The following ZDHHC15 variants were observed in gnomAD, a reference collection of about 807,000 sequenced individuals.
ZDHHC15 encodes the protein zDHHC palmitoyltransferase 15, also known as palmitoyltransferase ZDHHC15.
A neutral mutation model predicts 31.7 loss-of-function variants in ZDHHC15; 19 were observed. That is an observed-to-expected ratio of 0.60 (90% CI 0.42 to 0.88). The LOEUF (loss-of-function observed/expected upper bound fraction) is 0.88, where lower values mean the gene tolerates loss of function less well. ZDHHC15 is among the 40% of genes least tolerant of loss of function. The pLI, the probability that ZDHHC15 is intolerant of heterozygous loss-of-function variation, is 0.00. For missense variants in ZDHHC15, 209 were observed against 251.2 expected, an observed-to-expected ratio of 0.83 and a Z score of 1.14; for synonymous variants, 103 against 90.0, an observed-to-expected ratio of 1.14 and a Z score of -0.82.
At chrX:75,468,845 C>T (rs745469439) in intron 3 of ZDHHC15, among the ~76,000 whole-genome samples, 1 of 112,026 alleles carries the variant, frequency 8.9e-6, no homozygotes, top group Non-Finnish European at 1.9e-5. Flanking sequence ...TGCTTTTTGG[C>T]TATTTGTATA....
chrX:75,478,782 T>A (rs2084644400), intron 3 of ZDHHC15, 109 bp downstream of exon 3: 1 of 572,986 alleles, frequency 1.7e-6, no homozygotes, highest in East Asian at 3.8e-5. Flanking sequence ...TCTTTAAGAT[T>A]ACCCTGACTC....
chrX:75,476,080 T>G (rs1052088372), intron 3 of ZDHHC15, among the ~76,000 whole-genome samples: 2 of 111,556 alleles, frequency 1.8e-5, no homozygotes, highest in Non-Finnish European at 3.8e-5. Flanking sequence ...CCTGCAACTT[T>G]GCTGAATTCA....
intron 1 of ZDHHC15, among the ~76,000 whole-genome samples, chrX:75,510,524 G>A (rs755518554): frequency 1.6e-4 from 9 of 56,947 alleles, no homozygotes; most frequent in African/African-American, 2.5e-4. Flanking sequence ...TTCTCTCTTC[G>A]GAAAATTTCT....
At chrX:75,458,025 T>C (rs1449094484) in intron 3 of ZDHHC15, among the ~76,000 whole-genome samples, 1 of 111,352 alleles carries the variant, frequency 9.0e-6, no homozygotes, top group African/African-American at 3.3e-5. Context: ...AAAAGACATG[T>C]ACAAGAATGT....
intron 10 of ZDHHC15, among the ~76,000 whole-genome samples, chrX:75,383,716 C>G (rs994193771): frequency 4.0e-5 from 4 of 100,759 alleles, no homozygotes; most frequent in Non-Finnish European, 8.0e-5. Flanking sequence ...CCCACTACCC[C>G]AAATTTAAGA....
chrX:75,487,937 CGAAGA>C (rs1204804421), intron 2 of ZDHHC15, among the ~76,000 whole-genome samples: 8 of 111,606 alleles, frequency 7.2e-5, no homozygotes, highest in Admixed American at 1.9e-4. Flanking sequence ...CTTCAGAGCT[CGAAGA>C]GAAGGCTTTC....
At chrX:75,484,026 A>T (rs1388479913) in intron 2 of ZDHHC15, among the ~76,000 whole-genome samples, 3 of 112,089 alleles carry the variant, frequency 2.7e-5, no homozygotes, top group Non-Finnish European at 5.6e-5. Context: ...GACTTAATTT[A>T]TGTTAATTTC....
At chrX:75,466,577 T>C (rs1304676730) in intron 3 of ZDHHC15, among the ~76,000 whole-genome samples, 1 of 111,220 alleles carries the variant, frequency 9.0e-6, no homozygotes, top group Non-Finnish European at 1.9e-5. Context: ...AATAAATAAA[T>C]AAAGATACAT....
intron 4 of ZDHHC15, among the ~76,000 whole-genome samples, chrX:75,433,633 G>C (rs1004421538): frequency 2.8e-5 from 3 of 108,538 alleles, no homozygotes; most frequent in Non-Finnish European, 3.8e-5. Flanking sequence ...TGGCCAAGTA[G>C]TGTATATTTT....
chrX:75,475,446 C>T (rs1265104312), intron 3 of ZDHHC15, among the ~76,000 whole-genome samples: 1 of 111,831 alleles, frequency 8.9e-6, no homozygotes, highest in African/African-American at 3.2e-5. Flanking sequence ...TATGGACATC[C>T]AGTTATCCCA....
Position 75,371,094 on chromosome X carries a change from T to C in ZDHHC15, c.*1884A>G, listed in dbSNP as rs2147739372. On this transcript the variant is annotated 3_prime_UTR_variant, in exon 12 of 12. Transcript: ENST00000373367. ...AGATGATTGATGGGAAAGAGGAAGA[T>C]TACTTTGAGGCCTACTTGCTGTGTA... The C allele has an allele frequency of 9.0e-6, 1 of 111,616 alleles. No homozygotes were observed. The highest frequency in any genetic ancestry group is 3.3e-5 in the African/African-American group (1 of 30,752). 9.2% of individuals were successfully genotyped at this position (111,616 alleles called of 1,213,427 possible).
intron 4 of ZDHHC15, among the ~76,000 whole-genome samples, chrX:75,435,628 T>C (rs2083841131): frequency 8.9e-6 from 1 of 112,528 alleles, no homozygotes; most frequent in Non-Finnish European, 1.9e-5. Flanking sequence ...CTTATGTTTA[T>C]GTGGTGTACC....
intron 1 of ZDHHC15, among the ~76,000 whole-genome samples, chrX:75,519,312 A>G (rs964925506): frequency 5.4e-5 from 6 of 111,781 alleles, no homozygotes; most frequent in Non-Finnish European, 1.1e-4. Context: ...ACTAATCACA[A>G]GTTACTATCT....
Position 75,487,937 on chromosome X carries a change from C to T in ZDHHC15, c.164-8952G>A, listed in dbSNP as rs190289724. ...AAAGAGAAGAAAAAACTTCAGAGCT[C>T]GAAGAGAAGGCTTTCAAATTAAACC... On this transcript the variant is annotated intron_variant, in intron 2 of 11. Transcript: ENST00000373367. Among the ~76,000 whole-genome samples the T allele has an allele frequency of 3.8e-3, 422 of 111,653 alleles. 3 individuals carry two copies. The highest frequency in any genetic ancestry group is 0.013 in the African/African-American group (398 of 30,780).
intron 10 of ZDHHC15, among the ~76,000 whole-genome samples, chrX:75,397,781 A>T (rs1196029099): frequency 9.0e-6 from 1 of 111,636 alleles, no homozygotes; most frequent in East Asian, 2.8e-4. Context: ...ACAACGGCCC[A>T]TCTGGGAGCA....
chrX:75,395,175 G>A (rs2083286063), intron 10 of ZDHHC15, among the ~76,000 whole-genome samples: 1 of 111,442 alleles, frequency 9.0e-6, no homozygotes, highest in Non-Finnish European at 1.9e-5. Context: ...TCACTACTGT[G>A]ATTCAACACA....
chrX:75,462,881 A>G (rs761311296), intron 3 of ZDHHC15, among the ~76,000 whole-genome samples: 14 of 111,393 alleles, frequency 1.3e-4, no homozygotes, highest in Admixed American at 6.7e-4. Context: ...AAGAGCAAAG[A>G]AACACCAAAG....
At chrX:75,380,079 C>T (rs1569303060) in intron 10 of ZDHHC15, among the ~76,000 whole-genome samples, 1 of 112,127 alleles carries the variant, frequency 8.9e-6, no homozygotes, top group East Asian at 2.8e-4. Flanking sequence ...TCTGTCTTGT[C>T]TGGAATCCTA....
chrX:75,463,607 A>AACAAC (rs58345977), intron 3 of ZDHHC15, among the ~76,000 whole-genome samples: 1,047 of 56,196 alleles, frequency 0.019, 15 homozygotes, highest in African/African-American at 0.043. Flanking sequence ...ACAACAACAA[A>AACAAC]AAACCCATCA....
Sources: allele counts gnomAD v4.1 joint callset (sites outside exome capture counted in the v4.1 genomes callset), GRCh38; gene constraint gnomAD v4.1.1; transcripts MANE v1.5; gene names NCBI Gene and HGNC (gene_info 2026-07-23, HGNC 2026-07-21).